The following SV2C variants were observed in gnomAD, a reference collection of about 807,000 sequenced individuals.
SV2C encodes solute carrier family 22 member B3.
Under a neutral mutation model 79.7 loss-of-function variants are expected in SV2C, and 49 were observed. The ratio of observed to expected loss-of-function variants is 0.61; its 90% CI spans 0.49 to 0.78. The LOEUF is 0.78. Ranked by LOEUF, SV2C falls within the 30% of genes least tolerant of loss-of-function variation. The probability of loss-of-function intolerance (pLI) is 0.00; values close to 1 mark genes in which losing one functional copy is unlikely to be tolerated. For synonymous variants in SV2C, 334 were observed against 333.2 expected (o/e 1.00, Z -0.03); for missense variants, 833 against 912.9 (o/e 0.91, Z 1.13).
the SV2C span, among the ~76,000 whole-genome samples, chr5:75,954,527 A>T: frequency 0.36 from 54,668 of 150,284 alleles, 10,785 homozygotes; most frequent in African/African-American, 0.47. Flanking sequence ...CAACATAGTG[A>T]TGGAAGTTCT....
At chr5:76,036,771 C>T in the SV2C span, among the ~76,000 whole-genome samples, 1 of 152,096 alleles carries the variant, frequency 6.6e-6, no homozygotes, top group African/African-American at 2.4e-5. Context: ...CTCTATATTT[C>T]CTGAATCTGA....
At chr5:76,039,099 C>T in the SV2C span, among the ~76,000 whole-genome samples, 1 of 152,240 alleles carries the variant, frequency 6.6e-6, no homozygotes, top group Non-Finnish European at 1.5e-5. Context: ...GAAATGGACA[C>T]ACCTTGGAGA....
the SV2C span, among the ~76,000 whole-genome samples, chr5:75,973,937 G>T: frequency 6.6e-6 from 1 of 151,880 alleles, no homozygotes; most frequent in South Asian, 2.1e-4. Context: ...TTTTTAGAGA[G>T]AATTTTTTTG....
At chr5:76,179,579 G>A (rs1417959636) in intron 2 of SV2C, among the ~76,000 whole-genome samples, 1 of 152,144 alleles carries the variant, frequency 6.6e-6, no homozygotes, top group Non-Finnish European at 1.5e-5. Flanking sequence ...TGAATATCTG[G>A]GTGACCTTTC....
At chr5:76,109,624 G>A (rs1224737950) in intron 1 of SV2C, among the ~76,000 whole-genome samples, 1 of 152,150 alleles carries the variant, frequency 6.6e-6, no homozygotes, top group African/African-American at 2.4e-5. Flanking sequence ...AATATGACTG[G>A]TGTCCTTATG....
intron 4 of SV2C, among the ~76,000 whole-genome samples, chr5:76,277,383 A>G (rs561971992): frequency 1.4e-3 from 211 of 152,358 alleles, no homozygotes; most frequent in African/African-American, 4.8e-3. Context: ...TAAATGTGAT[A>G]TATTTACACA....
At chr5:76,304,747 A>G (rs937197915) in intron 12 of SV2C, among the ~76,000 whole-genome samples, 2 of 152,122 alleles carry the variant, frequency 1.3e-5, no homozygotes, top group African/African-American at 2.4e-5. Flanking sequence ...AGGGCCAAAC[A>G]CTGTGTGAAG....
At chr5:76,087,245 A>T (rs1258961216) in intron 1 of SV2C, among the ~76,000 whole-genome samples, 1 of 152,244 alleles carries the variant, frequency 6.6e-6, no homozygotes, top group Non-Finnish European at 1.5e-5. Context: ...CATAAAGAAG[A>T]TACTCAGATC....
chr5:76,017,246 T>C, the SV2C span, among the ~76,000 whole-genome samples: 2 of 152,164 alleles, frequency 1.3e-5, no homozygotes, highest in East Asian at 3.8e-4. Flanking sequence ...TAATATTTTA[T>C]TAATAATAAT....
chr5:76,081,241 A>C (rs892270745), upstream of SV2C, among the ~76,000 whole-genome samples: 2 of 152,216 alleles, frequency 1.3e-5, no homozygotes, highest in Non-Finnish European at 2.9e-5. Flanking sequence ...TCACGTTTAA[A>C]GTTTGTTTCA....
At chr5:75,852,837 A>AAAAAG in the SV2C span, among the ~76,000 whole-genome samples, 2,493 of 145,112 alleles carry the variant, frequency 0.017, 78 homozygotes, top group African/African-American at 0.064. Context: ...AAAAAAAAAA[A>AAAAAG]AAAAAAGAAA....
chr5:76,308,695 G>A (rs1748297467), intron 12 of SV2C, among the ~76,000 whole-genome samples: 1 of 152,112 alleles, frequency 6.6e-6, no homozygotes, highest in African/African-American at 2.4e-5. Flanking sequence ...TGGAGCAGAA[G>A]GCAAACGCAG....
intron 4 of SV2C, among the ~76,000 whole-genome samples, chr5:76,228,236 A>T (rs945003626): frequency 4.6e-5 from 7 of 151,930 alleles, no homozygotes; most frequent in Non-Finnish European, 8.8e-5. Context: ...TTAAGCGTCG[A>T]CTCCAGCCAA....
At chr5:76,273,952 T>C (rs912777823) in intron 4 of SV2C, among the ~76,000 whole-genome samples, 1 of 152,170 alleles carries the variant, frequency 6.6e-6, no homozygotes, top group Non-Finnish European at 1.5e-5. Context: ...ATGACTGCGG[T>C]TATAGGTCAA....
chr5:75,994,849 C>T, the SV2C span, among the ~76,000 whole-genome samples: 1 of 152,084 alleles, frequency 6.6e-6, no homozygotes, highest in African/African-American at 2.4e-5. Context: ...TGTTATAATT[C>T]AGTATGAGTT....
intron 6 of SV2C, among the ~76,000 whole-genome samples, chr5:76,289,776 T>A (rs1747490246): frequency 6.6e-6 from 1 of 152,214 alleles, no homozygotes; most frequent in Admixed American, 6.5e-5. Flanking sequence ...ACTTGGAATA[T>A]CCTCCAAGCA....
the SV2C span, among the ~76,000 whole-genome samples, chr5:75,975,019 A>T: frequency 6.6e-6 from 1 of 152,166 alleles, no homozygotes; most frequent in East Asian, 1.9e-4. Flanking sequence ...TAGCATGCTG[A>T]TTCCCATAAA....
chr5:76,100,364 T>C (rs982771647), intron 1 of SV2C, among the ~76,000 whole-genome samples: 1 of 152,202 alleles, frequency 6.6e-6, no homozygotes, highest in Non-Finnish European at 1.5e-5. Flanking sequence ...TAAAGAGCAC[T>C]CTTTCCTATG....
the SV2C span, among the ~76,000 whole-genome samples, chr5:75,955,817 A>G: frequency 2.7e-5 from 4 of 150,906 alleles, no homozygotes; most frequent in Non-Finnish European, 6.0e-5. Flanking sequence ...ACTGGCCATC[A>G]GAGAAATGCA....
Sources: gnomAD v4.1 joint callset for allele counts (sites outside exome capture counted in the v4.1 genomes callset) on GRCh38, gnomAD v4.1.1 for gene constraint, MANE v1.5 for transcripts, NCBI Gene and HGNC (gene_info 2026-07-23, HGNC 2026-07-21) for gene names.